The following TRAF3IP3 variants were observed in gnomAD, a reference collection of about 807,000 sequenced individuals.
TRAF3IP3 encodes TRAF3-interacting JNK-activating modulator.
A neutral mutation model predicts 86.5 loss-of-function variants in TRAF3IP3; 64 were observed. The ratio of observed to expected loss-of-function variants is 0.74; its 90% CI spans 0.60 to 0.91. The LOEUF (loss-of-function observed/expected upper bound fraction) is 0.91, where lower values mean the gene tolerates loss of function less well. TRAF3IP3 is among the 40% of genes least tolerant of loss of function. The probability of loss-of-function intolerance (pLI) is 0.00; values close to 1 mark genes in which losing one functional copy is unlikely to be tolerated. For synonymous variants in TRAF3IP3, 220 were observed against 243.9 expected, an observed-to-expected ratio of 0.90 and a Z score of 0.91; for missense variants, 579 against 642.9, an observed-to-expected ratio of 0.90 and a Z score of 1.07.
chr1:209,780,855 AT>A lies in TRAF3IP3; in HGVS notation c.1449+252del, dbSNP rs1558033562. 1.5e-5 allele frequency: 4 copies of A among 260,586 alleles called. No individual in the cohort carries two copies. The South Asian group carries it at 4.0e-4, about 26-fold the overall frequency. 16.1% of individuals were successfully genotyped at this position (260,586 alleles called of 1,614,324 possible). A position where few individuals can be genotyped will look rare whatever the true frequency, so the allele number is the denominator to read the frequency against. On this transcript the variant is annotated intron_variant, in intron 15 of 16. Coordinates refer to ENST00000367025, the MANE Select transcript of TRAF3IP3 (RefSeq NM_025228.4). ...AGAAAGTCGACCAAAACTCAAACAC[AT>A]TTAATAAAAATATTAACTTCTCAAT...
rs1267235175 is a variant in TRAF3IP3, at chr1:209,775,709, A to G, written c.1026A>G (p.Gln342=). Residue 342 remains glutamine, a synonymous_variant, in exon 11 of 17, where the codon CAA becomes CAG. Coordinates refer to ENST00000367025, the MANE Select transcript of TRAF3IP3 (RefSeq NM_025228.4). ...LGTQHRELES[Q]LHVLQSKLQG... is the part of the protein sequence containing the mutation. ...CCCAGCACAGGGAGCTGGAGAGCCA[A>G]CTCCACGTGCTTCAGTCCAAACTGC... The G allele has an allele frequency of 4.3e-6, 7 of 1,613,112 alleles. No individual in the cohort carries two copies. The highest frequency in any genetic ancestry group is 1.7e-5 in the Admixed American group (1 of 59,864).
At chr1:209,767,795 C>A (rs1392716426) in intron 8 of TRAF3IP3, among the ~76,000 whole-genome samples, 3 of 152,012 alleles carry the variant, frequency 2.0e-5, no homozygotes, top group African/African-American at 7.3e-5. Context: ...AAGACACAAC[C>A]AGAGCTTGAA....
At chr1:209,763,199 G>C (rs2077278691) in intron 6 of TRAF3IP3, 107 bp downstream of exon 6, 8 of 1,404,892 alleles carry the variant, frequency 5.7e-6, no homozygotes, top group Non-Finnish European at 8.1e-6. Context: ...CTTCTTCCTG[G>C]ATGGCAAGGG....
chr1:209,766,268 A>G (rs2077354476), intron 8 of TRAF3IP3, among the ~76,000 whole-genome samples: 1 of 152,218 alleles, frequency 6.6e-6, no homozygotes, highest in South Asian at 2.1e-4. Flanking sequence ...AACTTGGGGC[A>G]GACAGCTGTG....
At chr1:209,770,692 C>T (rs2077460789) in intron 8 of TRAF3IP3, among the ~76,000 whole-genome samples, 1 of 134,752 alleles carries the variant, frequency 7.4e-6, no homozygotes, top group Admixed American at 7.4e-5. Context: ...TGTGTGTGTG[C>T]ATGTGGAGGT....
intron 3 of TRAF3IP3, among the ~76,000 whole-genome samples, chr1:209,761,967 C>A (rs2077253872): frequency 6.6e-6 from 1 of 152,250 alleles, no homozygotes; most frequent in South Asian, 2.1e-4. Context: ...ACCATTTCTG[C>A]CAGTCAGGAC....
chr1:209,779,558 T>C, intron 14 of TRAF3IP3, 184 bp downstream of exon 14: 2 of 717,458 alleles, frequency 2.8e-6, no homozygotes, highest in Admixed American at 4.0e-5. Flanking sequence ...CTAGTTAGCC[T>C]TCTATCTTGA....
intron 8 of TRAF3IP3, among the ~76,000 whole-genome samples, chr1:209,764,762 T>A (rs2077309812): frequency 7.2e-6 from 1 of 139,738 alleles, no homozygotes; most frequent in Admixed American, 7.0e-5. Context: ...AAAAAAAAAA[T>A]CTAAAGGCAT....
chr1:209,766,108 G>C (rs893557345), intron 8 of TRAF3IP3, among the ~76,000 whole-genome samples: 1 of 152,190 alleles, frequency 6.6e-6, no homozygotes, highest in Non-Finnish European at 1.5e-5. Context: ...AAAGATGATG[G>C]GAGAGTATGG....
At chr1:209,774,193 G>T (rs2077604836) in intron 9 of TRAF3IP3, among the ~76,000 whole-genome samples, 2 of 152,234 alleles carry the variant, frequency 1.3e-5, no homozygotes, top group Admixed American at 1.3e-4. Context: ...CAGTGAATTT[G>T]CAAAGCTGCG....
Position 209,762,651 on chromosome 1 carries a change from A to C in TRAF3IP3, c.482A>C (p.Lys161Thr). 1 of 1,542,644 alleles carries C rather than the reference A, an allele frequency of 6.5e-7. No homozygotes were observed. Among genetic ancestry groups the C allele is most frequent in the Non-Finnish European group, 8.7e-7 (1 of 1,145,940 alleles). The change falls in exon 4 of 17, where the codon AAA becomes ACA. Residue 161 changes from lysine (K) to threonine (T), a missense_variant. Coordinates refer to ENST00000367025, the MANE Select transcript of TRAF3IP3 (RefSeq NM_025228.4). ...PQDTPIKKPP[K>T]HHRGTQTKAE... ...GACACTCCCATCAAGAAGCCACCCAAACACCACCGTGGTAAGAGCAGAGCC... is the reference window on the plus strand; with the variant it reads ...GACACTCCCATCAAGAAGCCACCCACACACCACCGTGGTAAGAGCAGAGCC...
At chr1:209,768,260 T>G in intron 8 of TRAF3IP3, 1 of 985,426 alleles carries the variant, frequency 1.0e-6, no homozygotes, top group Non-Finnish European at 1.2e-6. Flanking sequence ...AAACTCCCTA[T>G]TAGAATCCCA....
intron 12 of TRAF3IP3, 64 bp downstream of exon 12, chr1:209,777,551 A>C: frequency 6.7e-7 from 1 of 1,489,712 alleles, no homozygotes. Context: ...AAGAAAAAAG[A>C]AACTGAATTA....
chr1:209,772,684 A>T (rs1316648063), intron 8 of TRAF3IP3, among the ~76,000 whole-genome samples: 1 of 152,052 alleles, frequency 6.6e-6, no homozygotes, highest in Non-Finnish European at 1.5e-5. Flanking sequence ...CCCCCCTGCT[A>T]TGCTACCCTG....
Position 209,760,275 on chromosome 1 carries a change from C to T in TRAF3IP3, c.236C>T (p.Ala79Val), listed in dbSNP as rs12732140. 29 of 1,614,090 alleles carry T rather than the reference C, an allele frequency of 1.8e-5. No homozygotes were observed. Among genetic ancestry groups the T allele is most frequent in the African/African-American group, 1.5e-4 (11 of 74,940 alleles). ...CTGGAGCTAGAGGAGAAGGGCAAAG[C>T]GCAGCATCCCCAGGCCAGGGAGCAA... Reference protein sequence around the residue: ...RNLELEEKGKAQHPQAREQGP... With the variant: ...RNLELEEKGKVQHPQAREQGP... Residue 79 changes from alanine (A) to valine (V), a missense_variant, in exon 3 of 17, where the codon GCG becomes GTG. Transcript: ENST00000367025.
chr1:209,762,381 A>G (rs2077261222), intron 3 of TRAF3IP3, 134 bp from the exon 4 acceptor site: 1 of 860,526 alleles, frequency 1.2e-6, no homozygotes, highest in Non-Finnish European at 1.6e-6. Flanking sequence ...TTCAACACAC[A>G]GATTTGGGCG....
chr1:209,776,446 G>A (rs543809246), intron 11 of TRAF3IP3: 8 of 152,256 alleles, frequency 5.3e-5, no homozygotes, highest in Admixed American at 2.6e-4. Flanking sequence ...TAATTTTCCT[G>A]AAGCAGGGCT....
chr1:209,781,280 C>A, intron 15 of TRAF3IP3, 65 bp from the exon 16 acceptor site: 1 of 1,095,934 alleles, frequency 9.1e-7, no homozygotes, highest in Non-Finnish European at 1.4e-6. Flanking sequence ...AAAGGGCAGT[C>A]TCCCCTGCCT....
At chr1:209,768,572 TG>T (rs1171311505) in intron 8 of TRAF3IP3, 14 of 985,590 alleles carry the variant, frequency 1.4e-5, no homozygotes, top group Non-Finnish European at 1.7e-5. Context: ...GGTGCTTCTG[TG>T]GTGAGGTGGT....
Sources: allele counts gnomAD v4.1 joint callset (sites outside exome capture counted in the v4.1 genomes callset), GRCh38; gene constraint gnomAD v4.1.1; transcripts MANE v1.5; gene names NCBI Gene and HGNC (gene_info 2026-07-23, HGNC 2026-07-21).